Variants in MDFIC observed in about 807,000 individuals in gnomAD.
MDFIC encodes myoD family inhibitor domain-containing protein.
Under a neutral mutation model 23.2 loss-of-function variants are expected in MDFIC, and 17 were observed. The observed-to-expected ratio is 0.73, with a 90% CI of 0.50 to 1.10. MDFIC has a LOEUF of 1.10. Ranked by LOEUF, MDFIC falls within the 50% of genes least tolerant of loss-of-function variation. MDFIC has a pLI of 0.00. For missense variants in MDFIC, 356 were observed against 316.6 expected (o/e 1.12, Z -0.95); for synonymous variants, 120 against 115.2 (o/e 1.04, Z -0.27).
At chr7:114,923,349 C>G in intron 2 of MDFIC, 2 of 1,252,200 alleles carry the variant, frequency 1.6e-6, no homozygotes, top group Non-Finnish European at 2.2e-6. Context: ...CCTCCACTCC[C>G]CCTTCCTTTG....
intron 4 of MDFIC, among the ~76,000 whole-genome samples, chr7:114,994,493 G>T (rs1247524803): frequency 6.6e-6 from 1 of 152,168 alleles, no homozygotes; most frequent in African/African-American, 2.4e-5. Flanking sequence ...GGTACCAGTT[G>T]TTCCTTTCCA....
rs995227707 is a variant in MDFIC at position 114,922,439 on chromosome 7, C to T, written c.-305C>T. The T allele has an allele frequency of 1.6e-6, 2 of 1,242,830 alleles. No individual in the cohort carries two copies. Among genetic ancestry groups the T allele is most frequent in the Non-Finnish European group, 2.0e-6 (2 of 989,054 alleles). 77.0% of individuals were successfully genotyped at this position (1,242,830 alleles called of 1,614,324 possible). A position where few individuals can be genotyped will look rare whatever the true frequency, so the allele number is the denominator to read the frequency against. On this transcript the variant is annotated 5_prime_UTR_variant, in exon 1 of 5. Transcript: ENST00000393486. ...GGAGTGCGCGGAGTCAGAGCCGCCACCGCTGCCGCAGTTGCCGCCACTGCG... is the reference window on the plus strand; with the variant it reads ...GGAGTGCGCGGAGTCAGAGCCGCCATCGCTGCCGCAGTTGCCGCCACTGCG...
At chr7:114,974,292 G>A (rs1288189266) in intron 3 of MDFIC, among the ~76,000 whole-genome samples, 1 of 20,148 alleles carries the variant, frequency 5.0e-5, no homozygotes, top group Non-Finnish European at 1.0e-4. Flanking sequence ...GCATATATAT[G>A]CATATTATAT....
chr7:114,979,505 G>T lies in MDFIC; in HGVS notation c.218-1G>T, dbSNP rs1793377598. On this transcript the variant is annotated splice_acceptor_variant, in intron 3 of 4. Transcript: ENST00000393486. LOFTEE classifies it high-confidence loss of function. ...CTGACTTTTTCCTGTTTTTAATTTAGCCCAACCTCAGCGCTTGCCTCAGCT... is the reference window on the plus strand; with the variant it reads ...CTGACTTTTTCCTGTTTTTAATTTATCCCAACCTCAGCGCTTGCCTCAGCT... 6.3e-7 allele frequency: 1 copy of T among 1,593,816 alleles called. No homozygotes were observed.
intron 4 of MDFIC, 73 bp downstream of exon 4, chr7:114,979,854 G>A (rs774076734): frequency 2.0e-6 from 3 of 1,520,982 alleles, no homozygotes; most frequent in Non-Finnish European, 2.7e-6. Context: ...ATTTGATCAA[G>A]CATATATAAT....
chr7:114,941,673 G>T (rs1272678353), intron 2 of MDFIC, among the ~76,000 whole-genome samples: 1 of 152,124 alleles, frequency 6.6e-6, no homozygotes, highest in Non-Finnish European at 1.5e-5. Flanking sequence ...GTGCCCCAAA[G>T]ACTTTACATT....
At chr7:114,995,863 A>G (rs922666564) in intron 4 of MDFIC, among the ~76,000 whole-genome samples, 6 of 152,062 alleles carry the variant, frequency 3.9e-5, no homozygotes, top group Admixed American at 3.9e-4. Flanking sequence ...CCACTACTTC[A>G]AAGCTCAGTT....
In MDFIC at chr7:115,018,654, C is replaced by T. The variant is rs1013671338; in HGVS notation, c.*2719C>T. ...AAGTGCTAGAATTTATAGTTACAGG[C>T]GGTGTCCTTTTAAATGTGGAAAGGC... is the stretch of plus-strand genomic sequence containing the variant. On this transcript the variant is annotated 3_prime_UTR_variant, in exon 5 of 5. Transcript: ENST00000393486. The T allele has an allele frequency of 4.6e-5, 7 of 152,280 alleles. No individual in the cohort carries two copies. The highest frequency in any genetic ancestry group is 2.1e-4 in the South Asian group (1 of 4,822). 9.4% of individuals were successfully genotyped at this position (152,280 alleles called of 1,614,324 possible).
At chr7:114,964,090 A>G (rs935165808) in intron 3 of MDFIC, among the ~76,000 whole-genome samples, 1 of 152,150 alleles carries the variant, frequency 6.6e-6, no homozygotes, top group Non-Finnish European at 1.5e-5. Flanking sequence ...TCCATGTATT[A>G]TTCATGGTTT....
chr7:114,997,407 CAT>C (rs1491225950), intron 4 of MDFIC, among the ~76,000 whole-genome samples: 10 of 150,480 alleles, frequency 6.6e-5, no homozygotes, highest in South Asian at 2.1e-4. Flanking sequence ...TGCATGCGTG[CAT>C]GTGTGTGTGT....
At chr7:114,965,362 C>T (rs935717449) in intron 3 of MDFIC, among the ~76,000 whole-genome samples, 5 of 152,152 alleles carry the variant, frequency 3.3e-5, no homozygotes, top group African/African-American at 1.2e-4. Flanking sequence ...GAGCTTTCAT[C>T]TAGGACATTA....
chr7:115,001,122 T>A (rs1312963314), intron 4 of MDFIC, among the ~76,000 whole-genome samples: 1 of 152,196 alleles, frequency 6.6e-6, no homozygotes, highest in African/African-American at 2.4e-5. Context: ...AATTGAATAA[T>A]TATTAAGTAG....
At chr7:115,008,706 C>T (rs766181884) in intron 4 of MDFIC, among the ~76,000 whole-genome samples, 5 of 152,190 alleles carry the variant, frequency 3.3e-5, no homozygotes, top group Non-Finnish European at 7.3e-5. Context: ...GAGCAGAACT[C>T]CCCAGAGATG....
intron 4 of MDFIC, among the ~76,000 whole-genome samples, chr7:115,013,427 A>C (rs766630134): frequency 2.0e-5 from 3 of 152,226 alleles, no homozygotes; most frequent in Non-Finnish European, 4.4e-5. Flanking sequence ...CTAGTATATA[A>C]ATAATTTACA....
rs568788568 is a variant in MDFIC at position 114,971,731 on chromosome 7, G to C, written c.218-7775G>C. Among the ~76,000 whole-genome samples the C allele has an allele frequency of 5.5e-4, 84 of 152,048 alleles. 1 individual carries two copies. The highest frequency in any genetic ancestry group is 1.7e-3 in the African/African-American group (72 of 41,472). ...AGCTATACTTGGATAAAATATAGTG[G>C]ATTTTTTTTTCTTCATTGGTTTACT... is the stretch of plus-strand genomic sequence containing the variant. On this transcript the variant is annotated intron_variant, in intron 3 of 4. Transcript: ENST00000393486.
chr7:114,922,261 C>T lies in MDFIC; in HGVS notation c.-483C>T. ...GCATCGGGGCCGCTAGCCAAGAGTT[C>T]GAGGCCTTCCCGATCCGGATGTGAT... On this transcript the variant is annotated 5_prime_UTR_variant, in exon 1 of 5. Transcript: ENST00000393486. 1.5e-6 allele frequency: 1 copy of T among 689,602 alleles called. No homozygotes were observed. The highest frequency in any genetic ancestry group is 2.0e-6 in the Non-Finnish European group (1 of 493,490). 42.7% of individuals were successfully genotyped at this position (689,602 alleles called of 1,614,324 possible).
rs1355332544 is a variant in MDFIC at position 115,015,604 on chromosome 7, A to G, written c.494-84A>G. 9 of 1,525,402 alleles carry G rather than the reference A, an allele frequency of 5.9e-6. No individual in the cohort carries two copies. In the East Asian group the frequency reaches 2.0e-4, roughly 35 times the overall value. The allele number at this position is 1,525,402 out of a possible 1,614,324, so 94.5% of individuals were successfully genotyped here. A position where few individuals can be genotyped will look rare whatever the true frequency, so the allele number is the denominator to read the frequency against. On this transcript the variant is annotated intron_variant, in intron 4 of 4. Coordinates refer to ENST00000393486, the MANE Select transcript of MDFIC (RefSeq NM_001166345.3). ...TGTGGATTACTTAACTATTTTGCTC[A>G]ATTCTTATTGAGTCAATTGATAACA...
At chr7:114,945,044 A>G (rs1214016417) in intron 3 of MDFIC, among the ~76,000 whole-genome samples, 1 of 152,214 alleles carries the variant, frequency 6.6e-6, no homozygotes, top group Non-Finnish European at 1.5e-5. Context: ...CCAAACTTCC[A>G]TGGGGCAGCT....
intron 3 of MDFIC, among the ~76,000 whole-genome samples, chr7:114,969,695 A>C (rs1208445082): frequency 6.6e-6 from 1 of 152,176 alleles, no homozygotes; most frequent in Non-Finnish European, 1.5e-5. Flanking sequence ...TTGGCTGATC[A>C]GCACACACTT....
Sources: allele counts gnomAD v4.1 joint callset (sites outside exome capture counted in the v4.1 genomes callset), GRCh38; gene constraint gnomAD v4.1.1; transcripts MANE v1.5; gene names NCBI Gene and HGNC (gene_info 2026-07-23, HGNC 2026-07-21).